Variants in SDK1 observed in about 807,000 individuals in gnomAD.
SDK1 encodes protein sidekick-1.
In SDK1, 157 loss-of-function variants were observed where a neutral mutation model predicts 245.5. That is an observed-to-expected ratio of 0.64 (90% CI 0.56 to 0.73). The LOEUF (loss-of-function observed/expected upper bound fraction) is 0.73, where lower values mean the gene tolerates loss of function less well. Among genes scored for constraint, SDK1 ranks in the 30% least tolerant of loss-of-function variants. The probability of loss-of-function intolerance (pLI) is 0.00; values close to 1 mark genes in which losing one functional copy is unlikely to be tolerated. For missense variants in SDK1, 3,583 were observed against 3,002.3 expected (o/e 1.19, Z -4.52); for synonymous variants, 1,647 against 1,278.5 (o/e 1.29, Z -6.15).
At chr7:3,546,636 C>G (rs1399684279) in intron 1 of SDK1, among the ~76,000 whole-genome samples, 1 of 152,006 alleles carries the variant, frequency 6.6e-6, no homozygotes, top group African/African-American at 2.4e-5. Context: ...GAGAAAGACA[C>G]GCTGTGGTGG....
intron 13 of SDK1, among the ~76,000 whole-genome samples, chr7:3,979,014 G>A (rs1783187084): frequency 6.6e-6 from 1 of 152,212 alleles, no homozygotes; most frequent in Non-Finnish European, 1.5e-5. Context: ...CTGAGTGGAG[G>A]GGCGGCCCCC....
At position 3,642,044 on chromosome 7, in the gene SDK1, T is replaced by A. The variant is rs748906490; in HGVS notation, c.652T>A (p.Tyr218Asn). 5 of 1,614,142 alleles carry A rather than the reference T, an allele frequency of 3.1e-6. No individual in the cohort carries two copies. The Admixed American group carries it at 8.3e-5, about 27-fold the overall frequency. Reference sequence around the variant, plus strand: ...TCTAAACCTGCTGCCCATCACCAGCTACCCCAGACCTCAAGTGACTTGGTT... The same window carrying A: ...TCTAAACCTGCTGCCCATCACCAGCAACCCCAGACCTCAAGTGACTTGGTT... Reference protein sequence around the residue: ...AILNLLPITSYPRPQVTWFRE... With the variant: ...AILNLLPITSNPRPQVTWFRE... The change falls in exon 4 of 45, where the codon TAC (tyrosine) becomes AAC (asparagine). Residue 218 changes from tyrosine to asparagine, a missense_variant. Physicochemically the swap from Tyr to Asn is moderately radical, Grantham distance 143. Coordinates refer to ENST00000404826, the MANE Select transcript of SDK1 (RefSeq NM_152744.4).
intron 5 of SDK1, among the ~76,000 whole-genome samples, chr7:3,825,164 G>A (rs1160567677): frequency 6.6e-6 from 1 of 152,178 alleles, no homozygotes; most frequent in Admixed American, 6.5e-5. Flanking sequence ...GGGCCTGCCT[G>A]AGAGTAGATG....
At chr7:3,320,951 CA>C (rs1779787415) in intron 1 of SDK1, among the ~76,000 whole-genome samples, 1 of 152,004 alleles carries the variant, frequency 6.6e-6, no homozygotes, top group Non-Finnish European at 1.5e-5. Flanking sequence ...TTGTGCTTGA[CA>C]AAAATTGAAT....
chr7:3,381,946 C>A (rs1445468428), intron 1 of SDK1, among the ~76,000 whole-genome samples: 1 of 152,034 alleles, frequency 6.6e-6, no homozygotes, highest in African/African-American at 2.4e-5. Flanking sequence ...ATAATAGAAG[C>A]ATAAATATGC....
intron 1 of SDK1, among the ~76,000 whole-genome samples, chr7:3,525,421 C>T (rs1404792347): frequency 6.6e-6 from 1 of 152,086 alleles, no homozygotes; most frequent in Non-Finnish European, 1.5e-5. Context: ...TCTCCCTTTT[C>T]TTGTGTCTGG....
intron 5 of SDK1, among the ~76,000 whole-genome samples, chr7:3,842,992 T>G (rs571375999): frequency 6.6e-6 from 1 of 152,208 alleles, no homozygotes; most frequent in East Asian, 1.9e-4. Context: ...TTGGCGAAAG[T>G]GCATTGAACA....
At chr7:4,095,256 T>C (rs1457729556) in intron 22 of SDK1, among the ~76,000 whole-genome samples, 1 of 127,944 alleles carries the variant, frequency 7.8e-6, no homozygotes, top group African/African-American at 3.3e-5. Flanking sequence ...ATCTGAGCTC[T>C]TCCTCAGCTC....
rs1454420213 is a variant in SDK1 at position 3,554,424 on chromosome 7, T to C, written c.299-64656T>C. ...GCAAAAACAGAACATACCAAAATATTTGGGACGCAGGTAAAGCAGTTCTGA... is the reference window on the plus strand; with the variant it reads ...GCAAAAACAGAACATACCAAAATATCTGGGACGCAGGTAAAGCAGTTCTGA... On this transcript the variant is annotated intron_variant, in intron 1 of 44. Coordinates refer to ENST00000404826, the MANE Select transcript of SDK1 (RefSeq NM_152744.4). 2.5e-4 allele frequency among the ~76,000 whole-genome samples: 24 copies of C among 97,028 alleles called. No individual in the cohort carries two copies. In the East Asian group the frequency reaches 5.0e-3, roughly 20 times the overall value. 63.7% of individuals were successfully genotyped at this position (97,028 alleles called of 152,430 possible).
chr7:3,349,396 G>C (rs1056355976), intron 1 of SDK1, among the ~76,000 whole-genome samples: 1 of 152,092 alleles, frequency 6.6e-6, no homozygotes, highest in South Asian at 2.1e-4. Flanking sequence ...GAAGGGGAAT[G>C]GGGCTGGGGA....
rs138269108 is a variant in SDK1 at position 3,364,179 on chromosome 7, G to A, written c.298+62295G>A. ...TTTTAAGAGTTCTTTATATATTTTA[G>A]ATACTAGGCATTTGTTGAACATTTG... On this transcript the variant is annotated intron_variant, in intron 1 of 44. Coordinates refer to ENST00000404826, the MANE Select transcript of SDK1 (RefSeq NM_152744.4). 3.2e-3 allele frequency among the ~76,000 whole-genome samples: 489 copies of A among 152,168 alleles called. 1 individual carries two copies. The highest frequency in any genetic ancestry group is 0.011 in the African/African-American group (462 of 41,518).
At chr7:3,443,753 T>G (rs1290783494) in intron 1 of SDK1, among the ~76,000 whole-genome samples, 2 of 152,194 alleles carry the variant, frequency 1.3e-5, no homozygotes, top group Non-Finnish European at 2.9e-5. Flanking sequence ...TGTTTTTATT[T>G]GGTGGTCAGC....
In SDK1 at chr7:4,267,036, T is replaced by A. The variant is rs1788511600; in HGVS notation, c.*1652T>A. 1.0e-6 allele frequency: 1 copy of A among 985,348 alleles called. No individual in the cohort carries two copies. Among genetic ancestry groups the A allele is most frequent in the Non-Finnish European group, 1.2e-6 (1 of 830,014 alleles). 61.0% of individuals were successfully genotyped at this position (985,348 alleles called of 1,614,324 possible). On this transcript the variant is annotated 3_prime_UTR_variant, in exon 45 of 45. Transcript: ENST00000404826. Reference sequence around the variant, plus strand: ...TTTGTGCACCTCCATGGGCAGAGGGTGTGGATATTGCCTGGATTCTGTGCT... The same window carrying A: ...TTTGTGCACCTCCATGGGCAGAGGGAGTGGATATTGCCTGGATTCTGTGCT...
chr7:3,869,834 C>T (rs769813058), intron 5 of SDK1, among the ~76,000 whole-genome samples: 4 of 152,208 alleles, frequency 2.6e-5, no homozygotes, highest in South Asian at 2.1e-4. Flanking sequence ...CAACCTAACA[C>T]GTTGCTTGCG....
intron 44 of SDK1, among the ~76,000 whole-genome samples, chr7:4,248,287 C>T (rs188711959): frequency 3.8e-3 from 574 of 151,898 alleles, no homozygotes; most frequent in Non-Finnish European, 5.9e-3. Context: ...TACACACACA[C>T]GCACACATAT....
chr7:3,858,084 A>G (rs1372089039), intron 5 of SDK1, among the ~76,000 whole-genome samples: 1 of 152,230 alleles, frequency 6.6e-6, no homozygotes, highest in Non-Finnish European at 1.5e-5. Flanking sequence ...AGCCTTAATA[A>G]TGAATGGTTT....
intron 4 of SDK1, among the ~76,000 whole-genome samples, chr7:3,759,268 C>G (rs1037885101): frequency 5.3e-5 from 8 of 152,158 alleles, no homozygotes; most frequent in African/African-American, 1.9e-4. Context: ...AAAGATCAAT[C>G]TCTAAATAGA....
intron 1 of SDK1, among the ~76,000 whole-genome samples, chr7:3,390,015 T>C (rs936266048): frequency 6.6e-6 from 1 of 152,128 alleles, no homozygotes; most frequent in African/African-American, 2.4e-5. Context: ...ATCATTGTTA[T>C]ATAGTGGCAG....
At chr7:3,759,370 G>C (rs978031145) in intron 4 of SDK1, among the ~76,000 whole-genome samples, 1 of 152,064 alleles carries the variant, frequency 6.6e-6, no homozygotes, top group African/African-American at 2.4e-5. Flanking sequence ...GAAAATAAAT[G>C]TGTATGTATT....
Sources: allele counts gnomAD v4.1 joint callset (sites outside exome capture counted in the v4.1 genomes callset), GRCh38; gene constraint gnomAD v4.1.1; transcripts MANE v1.5; gene names NCBI Gene and HGNC (gene_info 2026-07-23, HGNC 2026-07-21).